Variants in ERBB4 observed in about 807,000 individuals in gnomAD.
ERBB4 encodes receptor tyrosine-protein kinase erbB-4.
ERBB4 carries 42 observed loss-of-function variants against 158.0 expected under a neutral mutation model. The observed-to-expected ratio is 0.27, with a 90% CI of 0.21 to 0.34. ERBB4 has a LOEUF of 0.34. ERBB4 is among the 10% of genes least tolerant of loss of function. The pLI, the probability that ERBB4 is intolerant of heterozygous loss-of-function variation, is 1.00. For missense variants in ERBB4, 1,333 were observed against 1,624.1 expected (o/e 0.82, Z 3.08); for synonymous variants, 583 against 558.7 (o/e 1.04, Z -0.61).
chr2:211,687,792 G>A (rs1340317767), intron 12 of ERBB4, among the ~76,000 whole-genome samples: 1 of 152,070 alleles, frequency 6.6e-6, no homozygotes, highest in Non-Finnish European at 1.5e-5. Flanking sequence ...TGTTCTTTGG[G>A]TTCCAAGATC....
chr2:212,404,152 G>A (rs984651745), intron 1 of ERBB4, among the ~76,000 whole-genome samples: 1 of 152,030 alleles, frequency 6.6e-6, no homozygotes, highest in South Asian at 2.1e-4. Context: ...GAATCCTAAA[G>A]TGGAAGTGAA....
chr2:211,442,563 C>T (rs1411753383), intron 20 of ERBB4, among the ~76,000 whole-genome samples: 6 of 151,896 alleles, frequency 4.0e-5, no homozygotes, highest in African/African-American at 1.2e-4. Context: ...TAACAAATTA[C>T]CCAATGCTAA....
chr2:212,234,769 T>A (rs1195635917), intron 1 of ERBB4, among the ~76,000 whole-genome samples: 1 of 152,254 alleles, frequency 6.6e-6, no homozygotes, highest in Non-Finnish European at 1.5e-5. Flanking sequence ...GCTGGCTGCA[T>A]AAATGTCTTC....
chr2:211,565,881 G>A (rs2067530840), intron 19 of ERBB4, among the ~76,000 whole-genome samples: 2 of 152,288 alleles, frequency 1.3e-5, no homozygotes, highest in South Asian at 4.1e-4. Context: ...TGTTTCTGAG[G>A]TTTGGTGGCA....
chr2:211,722,335 T>A, intron 7 of ERBB4, 58 bp downstream of exon 7: 1 of 1,375,632 alleles, frequency 7.3e-7, no homozygotes, highest in Admixed American at 1.7e-5. Flanking sequence ...TTACATAAAA[T>A]TCTTTTGATT....
chr2:212,014,349 AAGT>A (rs1480854131), intron 2 of ERBB4, among the ~76,000 whole-genome samples: 1 of 152,222 alleles, frequency 6.6e-6, no homozygotes, highest in Non-Finnish European at 1.5e-5. Context: ...CCTGCTTAGA[AAGT>A]AGTTCAAAAC....
intron 17 of ERBB4, among the ~76,000 whole-genome samples, chr2:211,627,652 G>C (rs1465669013): frequency 6.6e-6 from 1 of 152,190 alleles, no homozygotes; most frequent in Admixed American, 6.5e-5. Context: ...GTTCAAAGGA[G>C]AAGTGAAATT....
chr2:212,012,289 A>G (rs887054800), intron 2 of ERBB4, among the ~76,000 whole-genome samples: 2 of 152,294 alleles, frequency 1.3e-5, no homozygotes, highest in South Asian at 4.1e-4. Flanking sequence ...ACACTTCCAA[A>G]AAGTCATTGT....
chr2:212,031,906 C>T (rs1265850425), intron 2 of ERBB4, among the ~76,000 whole-genome samples: 3 of 152,034 alleles, frequency 2.0e-5, no homozygotes, highest in Non-Finnish European at 4.4e-5. Flanking sequence ...AGTCACTAAA[C>T]TATTTCCCGC....
intron 2 of ERBB4, among the ~76,000 whole-genome samples, chr2:211,966,762 C>G (rs949472532): frequency 6.6e-6 from 1 of 151,954 alleles, no homozygotes; most frequent in Non-Finnish European, 1.5e-5. Context: ...GCAGTATAGC[C>G]TTTAGAACAC....
chr2:211,751,369 C>T (rs1362508092), intron 4 of ERBB4, among the ~76,000 whole-genome samples: 1 of 152,104 alleles, frequency 6.6e-6, no homozygotes, highest in Non-Finnish European at 1.5e-5. Flanking sequence ...GAGAAATTCC[C>T]ATCGGGACTG....
chr2:212,284,485 G>A (rs2085883724), intron 1 of ERBB4, among the ~76,000 whole-genome samples: 1 of 152,046 alleles, frequency 6.6e-6, no homozygotes, highest in African/African-American at 2.4e-5. Flanking sequence ...ATTAGACTAT[G>A]GCATATAAAC....
chr2:211,551,537 T>C (rs2067097414), intron 20 of ERBB4, among the ~76,000 whole-genome samples: 1 of 152,198 alleles, frequency 6.6e-6, no homozygotes, highest in Admixed American at 6.5e-5. Flanking sequence ...CAACTGGTAT[T>C]CACAAACTTC....
In ERBB4 at chr2:212,003,197, GA is replaced by G. The variant is rs1559293591; in HGVS notation, c.235-55582del. Reference sequence around the variant, plus strand: ...AGAAAGAAAGAAAGAAAGAAAGAAAGAAAGAAAGACAGAAAGAAGGAAGGAA... The same window carrying G: ...AGAAAGAAAGAAAGAAAGAAAGAAAGAAGAAAGACAGAAAGAAGGAAGGAA... On this transcript the variant is annotated intron_variant, in intron 2 of 27. Coordinates refer to ENST00000342788, the MANE Select transcript of ERBB4 (RefSeq NM_005235.3). Among the ~76,000 whole-genome samples, 138 of 58,814 alleles carry G rather than the reference GA, an allele frequency of 2.3e-3. 5 individuals are homozygous for G. Among genetic ancestry groups the G allele is most frequent in the South Asian group, 6.9e-3 (11 of 1,590 alleles). The allele number at this position is 58,814 out of a possible 152,430, so 38.6% of individuals were successfully genotyped here.
chr2:212,051,220 T>C (rs2077390071), intron 2 of ERBB4, among the ~76,000 whole-genome samples: 1 of 152,168 alleles, frequency 6.6e-6, no homozygotes, highest in African/African-American at 2.4e-5. Flanking sequence ...TTGTTCTGCT[T>C]GGGATTTCAT....
intron 2 of ERBB4, among the ~76,000 whole-genome samples, chr2:212,090,594 G>A (rs2078744763): frequency 6.6e-6 from 1 of 152,018 alleles, no homozygotes; most frequent in South Asian, 2.1e-4. Flanking sequence ...CACTCATTTA[G>A]ACATGCTTGC....
intron 20 of ERBB4, among the ~76,000 whole-genome samples, chr2:211,496,109 T>C (rs747390299): frequency 1.1e-4 from 17 of 152,098 alleles, no homozygotes; most frequent in Non-Finnish European, 1.9e-4. Flanking sequence ...TTCAGACAGC[T>C]CCTTCTCAGT....
intron 20 of ERBB4, among the ~76,000 whole-genome samples, chr2:211,532,048 T>A (rs528239924): frequency 6.6e-6 from 1 of 152,048 alleles, no homozygotes; most frequent in East Asian, 1.9e-4. Context: ...CAGAAAGACA[T>A]ACTTTGCATG....
intron 20 of ERBB4, among the ~76,000 whole-genome samples, chr2:211,488,609 A>C (rs2065264428): frequency 6.6e-6 from 1 of 152,140 alleles, no homozygotes; most frequent in Admixed American, 6.6e-5. Flanking sequence ...CAGAGTAAGC[A>C]AAAAACTGAA....
Sources: gnomAD v4.1 joint callset for allele counts (sites outside exome capture counted in the v4.1 genomes callset) on GRCh38, gnomAD v4.1.1 for gene constraint, MANE v1.5 for transcripts, NCBI Gene and HGNC (gene_info 2026-07-23, HGNC 2026-07-21) for gene names.